Variants in YWHAE observed in about 807,000 individuals in gnomAD.
YWHAE encodes 14-3-3 protein epsilon.
Under a neutral mutation model 30.1 loss-of-function variants are expected in YWHAE, and 4 were observed. The observed-to-expected ratio is 0.13, with a 90% CI of 0.07 to 0.30. The LOEUF (loss-of-function observed/expected upper bound fraction) is 0.30, where lower values mean the gene tolerates loss of function less well. Among genes scored for constraint, YWHAE ranks in the 10% least tolerant of loss-of-function variants. The pLI, the probability that YWHAE is intolerant of heterozygous loss-of-function variation, is 1.00. For missense variants in YWHAE, 121 were observed against 315.9 expected (o/e 0.38, Z 4.68); for synonymous variants, 118 against 111.8 (o/e 1.06, Z -0.35).
intron 1 of YWHAE, among the ~76,000 whole-genome samples, chr17:1,389,524 G>A (rs1176377758): frequency 6.7e-6 from 1 of 149,882 alleles, no homozygotes; most frequent in African/African-American, 2.5e-5. Flanking sequence ...AATGATTTAC[G>A]TTTTCTTTCT....
chr17:1,394,354 T>C (rs1000009360), intron 1 of YWHAE, among the ~76,000 whole-genome samples: 1 of 146,158 alleles, frequency 6.8e-6, no homozygotes, highest in Non-Finnish European at 1.5e-5. Context: ...GACTCACACC[T>C]GTAATCCCAG....
intron 1 of YWHAE, among the ~76,000 whole-genome samples, chr17:1,376,923 C>G (rs1341136621): frequency 6.8e-6 from 1 of 146,512 alleles, no homozygotes; most frequent in South Asian, 2.2e-4. Context: ...GGGTCATAAC[C>G]CTAACTTTTT....
intron 4 of YWHAE, among the ~76,000 whole-genome samples, chr17:1,357,194 G>A (rs1324109825): frequency 2.0e-5 from 3 of 151,708 alleles, no homozygotes; most frequent in Non-Finnish European, 4.4e-5. Flanking sequence ...ACGAGGTCAG[G>A]AGATCGAGAC....
At chr17:1,385,913 C>T (rs1184199701) in intron 1 of YWHAE, among the ~76,000 whole-genome samples, 1 of 151,626 alleles carries the variant, frequency 6.6e-6, no homozygotes, top group Admixed American at 6.6e-5. Flanking sequence ...CCAGTCTCCA[C>T]AAAAAAGGGG....
intron 1 of YWHAE, among the ~76,000 whole-genome samples, chr17:1,394,436 C>CAAAAAAAAAAAAAAAAAAAAAA (rs544115909): frequency 2.6e-4 from 15 of 58,548 alleles, no homozygotes; most frequent in African/African-American, 1.1e-3. Context: ...CTCAAATCCA[C>CAAAAAAAAAAAAAAAAAAAAAA]AAAAAAAAAA....
chr17:1,396,246 CG>C (rs1227734401), intron 1 of YWHAE, among the ~76,000 whole-genome samples: 3 of 151,642 alleles, frequency 2.0e-5, no homozygotes, highest in African/African-American at 7.3e-5. Context: ...ATGGAGAAAC[CG>C]TGTCTCTACT....
At chr17:1,381,897 A>G (rs561808920) in intron 1 of YWHAE, among the ~76,000 whole-genome samples, 3 of 133,196 alleles carry the variant, frequency 2.3e-5, no homozygotes, top group African/African-American at 9.0e-5. Context: ...TGCACGAGAG[A>G]GCGACACTAT....
At chr17:1,362,031 T>TAA in intron 2 of YWHAE, 23 bp from the exon 3 acceptor site, 1 of 1,415,614 alleles carries the variant, frequency 7.1e-7, no homozygotes, top group Non-Finnish European at 9.6e-7. Flanking sequence ...AAATTTTTTT[T>TAA]AAATCAGATT....
intron 1 of YWHAE, among the ~76,000 whole-genome samples, chr17:1,366,332 G>A (rs146320918): frequency 4.5e-4 from 69 of 152,206 alleles, no homozygotes; most frequent in Non-Finnish European, 8.7e-4. Flanking sequence ...TTGAGGTCAC[G>A]AATTCAAGGC....
intron 1 of YWHAE, among the ~76,000 whole-genome samples, chr17:1,383,570 G>C (rs2073250247): frequency 3.1e-5 from 2 of 64,788 alleles, no homozygotes; most frequent in South Asian, 8.0e-4. Context: ...TGTATTTTTA[G>C]TAGAGATGGG....
In YWHAE at chr17:1,354,170, G is replaced by C. The variant is rs199860044; in HGVS notation, c.715+41C>G. Reference sequence around the variant, plus strand: ...TCTAAAGAGAGTACAAACAAATCCTGCAACTGAAAGAGGTGCCTGTTTCAC... The same window carrying C: ...TCTAAAGAGAGTACAAACAAATCCTCCAACTGAAAGAGGTGCCTGTTTCAC... On this transcript the variant is annotated intron_variant, in intron 5 of 5. Coordinates refer to ENST00000264335, the MANE Select transcript of YWHAE (RefSeq NM_006761.5). 4.4e-6 allele frequency: 7 copies of C among 1,599,840 alleles called. No individual in the cohort carries two copies. In the South Asian group the frequency reaches 5.6e-5, roughly 13 times the overall value.
At chr17:1,369,776 A>T (rs2073002176) in intron 1 of YWHAE, 2 of 152,234 alleles carry the variant, frequency 1.3e-5, no homozygotes, top group Non-Finnish European at 2.9e-5. Context: ...AGCAAGTCAC[A>T]TGAATTTTTG....
At chr17:1,357,670 A>C (rs1254558656) in intron 4 of YWHAE, among the ~76,000 whole-genome samples, 1 of 152,142 alleles carries the variant, frequency 6.6e-6, no homozygotes, top group Non-Finnish European at 1.5e-5. Flanking sequence ...TCACGCCTGT[A>C]ATCTCGGCAC....
chr17:1,394,444 A>AAAAAAAAAAAAAAAAAAAAAAAAAC (rs1567987784), intron 1 of YWHAE, among the ~76,000 whole-genome samples: 1 of 139,740 alleles, frequency 7.2e-6, no homozygotes, highest in African/African-American at 2.9e-5. Flanking sequence ...CACAAAAAAA[A>AAAAAAAAAAAAAAAAAAAAAAAAAC]AAAAAAAAAA....
chr17:1,344,970 C>G lies in YWHAE; in HGVS notation c.*477G>C, dbSNP rs961556754. ...CTCCCCAAACCACCTTTAACCATCT[C>G]AAGCTAACACCCAATTACTTGCAAA... On this transcript the variant is annotated 3_prime_UTR_variant, in exon 6 of 6. Coordinates refer to ENST00000264335, the MANE Select transcript of YWHAE (RefSeq NM_006761.5). 4.2e-6 allele frequency: 1 copy of G among 235,336 alleles called. No individual in the cohort carries two copies. Among genetic ancestry groups the G allele is most frequent in the Non-Finnish European group, 8.4e-6 (1 of 118,750 alleles). The allele number at this position is 235,336 out of a possible 1,614,324, so 14.6% of individuals were successfully genotyped here.
Position 1,372,954 on chromosome 17 carries a change from G to C in YWHAE, c.65-7896C>G, listed in dbSNP as rs1311381865. On this transcript the variant is annotated intron_variant, in intron 1 of 5. Transcript: ENST00000264335. Reference sequence around the variant, plus strand: ...CTGTCTCCAAAAATTAATAGTAAAAGAACACAGGCCAGGCATGGTGGCTCA... The same window carrying C: ...CTGTCTCCAAAAATTAATAGTAAAACAACACAGGCCAGGCATGGTGGCTCA... Among the ~76,000 whole-genome samples the C allele has an allele frequency of 2.0e-5, 3 of 151,784 alleles. No homozygotes were observed. In the East Asian group the frequency reaches 5.8e-4, roughly 29 times the overall value.
intron 1 of YWHAE, among the ~76,000 whole-genome samples, chr17:1,383,389 C>CT (rs550620060): frequency 0.21 from 29,060 of 137,712 alleles, 4,776 homozygotes; most frequent in African/African-American, 0.44. Context: ...TACTGTTTAA[C>CT]TTTTTTTTTT....
intron 1 of YWHAE, among the ~76,000 whole-genome samples, chr17:1,393,911 A>G (rs896205867): frequency 3.9e-5 from 6 of 152,210 alleles, no homozygotes; most frequent in African/African-American, 1.4e-4. Flanking sequence ...AAAAACCATC[A>G]GGTTTCTTTA....
At chr17:1,349,906 C>T (rs1236392942) in intron 5 of YWHAE, among the ~76,000 whole-genome samples, 1 of 151,544 alleles carries the variant, frequency 6.6e-6, no homozygotes, top group African/African-American at 2.4e-5. Context: ...TGAGCCACTG[C>T]GCCCAGCCGA....
Sources: allele counts gnomAD v4.1 joint callset (sites outside exome capture counted in the v4.1 genomes callset), GRCh38; gene constraint gnomAD v4.1.1; transcripts MANE v1.5; gene names NCBI Gene and HGNC (gene_info 2026-07-23, HGNC 2026-07-21).